Variants in FRMPD4 observed in about 807,000 individuals in gnomAD.
The protein encoded by FRMPD4 is FERM and PDZ domain-containing protein 4.
A neutral mutation model predicts 94.1 loss-of-function variants in FRMPD4; 22 were observed. That is an observed-to-expected ratio of 0.23 (90% CI 0.17 to 0.33). The LOEUF is 0.33. FRMPD4 is among the 10% of genes least tolerant of loss of function. The pLI, the probability that FRMPD4 is intolerant of heterozygous loss-of-function variation, is 1.00. For synonymous variants in FRMPD4, 631 were observed against 548.6 expected (o/e 1.15, Z -2.10); for missense variants, 1,111 against 1,339.9 (o/e 0.83, Z 2.67).
intron 1 of FRMPD4, among the ~76,000 whole-genome samples, chrX:12,402,264 G>A (rs1326441517): frequency 9.0e-6 from 1 of 111,013 alleles, no homozygotes; most frequent in Non-Finnish European, 1.9e-5. Context: ...CCCCACAAAA[G>A]CAGACAGAGT....
At chrX:12,471,534 C>T (rs1425495841) in intron 1 of FRMPD4, among the ~76,000 whole-genome samples, 1 of 111,390 alleles carries the variant, frequency 9.0e-6, no homozygotes, top group Non-Finnish European at 1.9e-5. Context: ...AGTGTGAGCA[C>T]GGTTTGGAAT....
intron 1 of FRMPD4, among the ~76,000 whole-genome samples, chrX:12,142,999 G>T (rs1290609987): frequency 8.9e-6 from 1 of 112,199 alleles, no homozygotes; most frequent in Non-Finnish European, 1.9e-5. Context: ...TTTCATTTGA[G>T]GTTAACCGTG....
chrX:12,187,865 G>A (rs754502097), intron 1 of FRMPD4, among the ~76,000 whole-genome samples: 6 of 111,484 alleles, frequency 5.4e-5, no homozygotes, highest in African/African-American at 9.8e-5. Flanking sequence ...GCCAAAGAAC[G>A]ACACTGTTCT....
At chrX:12,148,102 A>G (rs1466270502) in intron 1 of FRMPD4, among the ~76,000 whole-genome samples, 1 of 112,219 alleles carries the variant, frequency 8.9e-6, no homozygotes, top group Non-Finnish European at 1.9e-5. Flanking sequence ...TGTTCAAGTT[A>G]AAGGAAGAGT....
intron 2 of FRMPD4, among the ~76,000 whole-genome samples, chrX:12,567,565 A>G (rs1250772339): frequency 8.9e-6 from 1 of 112,526 alleles, no homozygotes; most frequent in Non-Finnish European, 1.9e-5. Flanking sequence ...GCCAATGCTG[A>G]ACCAGAGAAA....
At chrX:12,369,975 T>C (rs1400656683) in intron 1 of FRMPD4, among the ~76,000 whole-genome samples, 1 of 112,404 alleles carries the variant, frequency 8.9e-6, no homozygotes. Flanking sequence ...TTTTGCCTCC[T>C]CTCCAATACT....
At chrX:12,239,912 C>T (rs1034688817) in intron 1 of FRMPD4, among the ~76,000 whole-genome samples, 3 of 111,980 alleles carry the variant, frequency 2.7e-5, no homozygotes, top group Non-Finnish European at 3.8e-5. Context: ...ATGACCTCAT[C>T]GCCTTTCAAA....
At chrX:12,531,969 G>A (rs1369615141) in intron 2 of FRMPD4, among the ~76,000 whole-genome samples, 1 of 111,645 alleles carries the variant, frequency 9.0e-6, no homozygotes, top group African/African-American at 3.3e-5. Context: ...GTTCCTTAAA[G>A]TCTTCAAACA....
chrX:12,387,562 G>A (rs2056413906), intron 1 of FRMPD4, among the ~76,000 whole-genome samples: 1 of 111,708 alleles, frequency 9.0e-6, no homozygotes, highest in Admixed American at 9.5e-5. Context: ...AATAAGAAAT[G>A]CATAATTCAA....
intron 1 of FRMPD4, among the ~76,000 whole-genome samples, chrX:12,481,791 A>T (rs2057683995): frequency 9.5e-6 from 1 of 104,790 alleles, no homozygotes; most frequent in South Asian, 4.7e-4. Flanking sequence ...AATACAAAAA[A>T]ATTGACCGGG....
intron 1 of FRMPD4, among the ~76,000 whole-genome samples, chrX:12,339,418 C>T (rs961086477): frequency 2.3e-4 from 26 of 111,392 alleles, no homozygotes; most frequent in African/African-American, 8.5e-4. Context: ...CATCTTTAAC[C>T]CCACTGATTA....
intron 3 of FRMPD4, among the ~76,000 whole-genome samples, chrX:12,011,540 C>T (rs769955807): frequency 5.4e-5 from 6 of 111,893 alleles, no homozygotes; most frequent in Admixed American, 9.5e-5. Context: ...TTCTATTGGA[C>T]CATGCTGCTC....
intron 1 of FRMPD4, among the ~76,000 whole-genome samples, chrX:11,840,935 T>C (rs1195921458): frequency 3.5e-5 from 3 of 86,253 alleles, no homozygotes; most frequent in African/African-American, 8.9e-5. Context: ...TGATGTTCCA[T>C]TTCCTGTGTC....
rs201109504 is a variant in FRMPD4 at position 12,498,838 on chromosome X, A to G, written c.158+42A>G. ...GCATGAACAATAGAATCCTTGGCCA[A>G]TGGACTTCTTTATCTTTGTTTATGA... On this transcript the variant is annotated intron_variant, in intron 2 of 16. Coordinates refer to ENST00000675598, the MANE Select transcript of FRMPD4 (RefSeq NM_001368397.1). The G allele has an allele frequency of 4.2e-4, 294 of 705,447 alleles. No homozygotes were observed. In the African/African-American group the frequency reaches 5.6e-3, roughly 14 times the overall value. The allele number at this position is 705,447 out of a possible 1,213,427, so 58.1% of individuals were successfully genotyped here.
intron 1 of FRMPD4, among the ~76,000 whole-genome samples, chrX:12,247,197 C>G (rs1328836918): frequency 9.0e-6 from 1 of 111,513 alleles, no homozygotes; most frequent in African/African-American, 3.3e-5. Flanking sequence ...TGGTTTCTAC[C>G]CACTGGATAT....
intron 1 of FRMPD4, among the ~76,000 whole-genome samples, chrX:12,475,439 C>T (rs1299735557): frequency 1.8e-5 from 2 of 111,411 alleles, no homozygotes; most frequent in Non-Finnish European, 3.8e-5. Flanking sequence ...TCCTATTCAA[C>T]ATAGTGTTGG....
At position 12,666,492 on chromosome X, in the gene FRMPD4, A is replaced by C. The variant is rs1040382535; in HGVS notation, c.423-8371A>C. ...CAGAATATACATCCTTCTTGGTACC[A>C]CATAGCACTTATTCTAAAATTGACC... is the stretch of plus-strand genomic sequence containing the variant. On this transcript the variant is annotated intron_variant, in intron 4 of 16. Transcript: ENST00000675598. Among the ~76,000 whole-genome samples the C allele has an allele frequency of 2.7e-5, 3 of 111,647 alleles. No homozygotes were observed. In the Admixed American group the frequency reaches 2.9e-4, roughly 11 times the overall value.
At chrX:12,604,834 G>T (rs2059115741) in intron 2 of FRMPD4, among the ~76,000 whole-genome samples, 1 of 110,900 alleles carries the variant, frequency 9.0e-6, no homozygotes, top group Non-Finnish European at 1.9e-5. Context: ...CCCTCAAGTA[G>T]GCCCCCGTGT....
At chrX:11,828,300 G>T (rs759677606) in intron 1 of FRMPD4, among the ~76,000 whole-genome samples, 141 of 112,001 alleles carry the variant, frequency 1.3e-3, no homozygotes, top group Non-Finnish European at 1.6e-3. Context: ...CTGCAACATT[G>T]TATCATATAT....
Sources: allele counts gnomAD v4.1 joint callset (sites outside exome capture counted in the v4.1 genomes callset), GRCh38; gene constraint gnomAD v4.1.1; transcripts MANE v1.5; gene names NCBI Gene and HGNC (gene_info 2026-07-23, HGNC 2026-07-21).